The following LDLRAP1 variants were observed in gnomAD, a reference collection of about 807,000 sequenced individuals.
The protein encoded by LDLRAP1 is low density lipoprotein receptor adapter protein 1.
Under a neutral mutation model 37.8 loss-of-function variants are expected in LDLRAP1, and 30 were observed. That is an observed-to-expected ratio of 0.79 (90% CI 0.59 to 1.08). The LOEUF (loss-of-function observed/expected upper bound fraction) is 1.08. Ranked by LOEUF, LDLRAP1 falls within the 50% of genes least tolerant of loss-of-function variation. The pLI is 0.00. For missense variants in LDLRAP1, 375 were observed against 401.6 expected, an observed-to-expected ratio of 0.93 and a Z score of 0.57; for synonymous variants, 156 against 169.8, an observed-to-expected ratio of 0.92 and a Z score of 0.63.
chr1:25,563,494 T>C (rs1049939471), intron 6 of LDLRAP1, 167 bp from the exon 7 acceptor site: 9 of 862,138 alleles, frequency 1.0e-5, no homozygotes, highest in Non-Finnish European at 1.1e-5. Flanking sequence ...GTTCTCACTC[T>C]GTGGGCAGCT....
the LDLRAP1 span, among the ~76,000 whole-genome samples, chr1:25,587,819 C>G: frequency 1.3e-5 from 2 of 152,084 alleles, no homozygotes; most frequent in African/African-American, 4.8e-5. Flanking sequence ...CACCGCATAT[C>G]AGTAACCTTA....
intron 7 of LDLRAP1, chr1:25,564,180 A>C: frequency 9.1e-6 from 3 of 328,632 alleles, no homozygotes; most frequent in South Asian, 2.6e-5. Context: ...TTGGTCCCTG[A>C]CTCCCTCAGG....
At chr1:25,576,480 C>T in the LDLRAP1 span, among the ~76,000 whole-genome samples, 6 of 152,136 alleles carry the variant, frequency 3.9e-5, no homozygotes, top group African/African-American at 7.2e-5. Flanking sequence ...GAGCCGAGAC[C>T]GTGCCACTGC....
chr1:25,543,826 G>T, intron 1 of LDLRAP1, 40 bp downstream of exon 1: 1 of 1,179,252 alleles, frequency 8.5e-7, no homozygotes, highest in Non-Finnish European at 1.1e-6. Flanking sequence ...CCGGGATCGG[G>T]CAGAGGCGCG....
chr1:25,585,542 G>A, the LDLRAP1 span, among the ~76,000 whole-genome samples: 6 of 152,180 alleles, frequency 3.9e-5, no homozygotes. Context: ...AGCCAGGATG[G>A]TCTCAATCTC....
intron 1 of LDLRAP1, among the ~76,000 whole-genome samples, chr1:25,550,790 G>A (rs566800359): frequency 3.9e-5 from 6 of 152,264 alleles, no homozygotes; most frequent in African/African-American, 1.4e-4. Context: ...GTAAGGACGT[G>A]GTTAGAGGAG....
downstream of LDLRAP1, among the ~76,000 whole-genome samples, chr1:25,572,935 A>G (rs952771993): frequency 4.6e-5 from 7 of 152,216 alleles, no homozygotes; most frequent in African/African-American, 1.7e-4. Context: ...ATGGAGCTGC[A>G]GTTCCGAGTG....
At chr1:25,557,364 G>A in intron 4 of LDLRAP1, 97 bp downstream of exon 4, 2 of 930,262 alleles carry the variant, frequency 2.1e-6, no homozygotes, top group Non-Finnish European at 3.5e-6. Context: ...GGACCCAAAG[G>A]TGACCATTAC....
Position 25,544,126 on chromosome 1 carries a change from A to AG in LDLRAP1, c.88+345dup, listed in dbSNP as rs935263434. On this transcript the variant is annotated intron_variant, in intron 1 of 8. Transcript: ENST00000374338. The surrounding 1 kb of genome is among the most constrained non-coding windows in gnomAD (Gnocchi z 4.8). Reference sequence around the variant, plus strand: ...TCCCGCCCTGCTGTCCTGGCCAGCTAGGGGGAGGCAGGCGCTCGTCGTCGG... The same window carrying AG: ...TCCCGCCCTGCTGTCCTGGCCAGCTAGGGGGGAGGCAGGCGCTCGTCGTCGG... Among the ~76,000 whole-genome samples, 8 of 151,968 alleles carry AG rather than the reference A, an allele frequency of 5.3e-5. No individual in the cohort carries two copies. Among genetic ancestry groups the AG allele is most frequent in the Non-Finnish European group, 7.4e-5 (5 of 67,928 alleles).
Position 25,549,725 on chromosome 1 carries a change from C to T in LDLRAP1, c.89-4197C>T, listed in dbSNP as rs1295629374. Among the ~76,000 whole-genome samples, 3 of 151,294 alleles carry T rather than the reference C, an allele frequency of 2.0e-5. No homozygotes were observed. In the East Asian group the frequency reaches 5.8e-4, roughly 29 times the overall value. On this transcript the variant is annotated intron_variant, in intron 1 of 8. Transcript: ENST00000374338. Reference sequence around the variant, plus strand: ...CGTGGGCTCCTCCCGGCAATAAGGCCTCCGGCTGTGGCTGGCGAGTAGGGC... The same window carrying T: ...CGTGGGCTCCTCCCGGCAATAAGGCTTCCGGCTGTGGCTGGCGAGTAGGGC...
At chr1:25,547,278 T>G (rs2043957515) in intron 1 of LDLRAP1, among the ~76,000 whole-genome samples, 1 of 151,644 alleles carries the variant, frequency 6.6e-6, no homozygotes, top group African/African-American at 2.4e-5. Flanking sequence ...AGGTCAAGAG[T>G]TCGAGACCAG....
chr1:25,582,451 GGC>G, the LDLRAP1 span, among the ~76,000 whole-genome samples: 2 of 151,822 alleles, frequency 1.3e-5, no homozygotes, highest in Non-Finnish European at 2.9e-5. Flanking sequence ...TGGGCATGGT[GGC>G]ATGCACCTGT....
chr1:25,547,239 T>C (rs1196406409), intron 1 of LDLRAP1, among the ~76,000 whole-genome samples: 3 of 151,884 alleles, frequency 2.0e-5, no homozygotes, highest in Non-Finnish European at 2.9e-5. Context: ...TCCCAGCACT[T>C]TGGGAGACCA....
At chr1:25,562,993 A>G in intron 5 of LDLRAP1, 77 bp from the exon 6 acceptor site, 1 of 1,429,758 alleles carries the variant, frequency 7.0e-7, no homozygotes, top group Admixed American at 1.7e-5. Context: ...GCCACCGCTA[A>G]TCACCCCTGC....
At chr1:25,545,555 C>T (rs568322678) in intron 1 of LDLRAP1, among the ~76,000 whole-genome samples, 25 of 152,266 alleles carry the variant, frequency 1.6e-4, no homozygotes, top group African/African-American at 5.8e-4. Flanking sequence ...ACGCTGCCAG[C>T]ATGATTAGTA....
chr1:25,582,695 T>C, the LDLRAP1 span, among the ~76,000 whole-genome samples: 3 of 152,182 alleles, frequency 2.0e-5, no homozygotes, highest in Admixed American at 2.0e-4. Flanking sequence ...CAGAACTTTT[T>C]CATCACCTTA....
Position 25,555,097 on chromosome 1 carries a change from G to A in LDLRAP1, c.344+125G>A, listed in dbSNP as rs1342384254. 1.3e-6 allele frequency: 1 copy of A among 756,344 alleles called. No homozygotes were observed. The highest frequency in any genetic ancestry group is 2.4e-6 in the Non-Finnish European group (1 of 423,734). 46.9% of individuals were successfully genotyped at this position (756,344 alleles called of 1,614,324 possible). On this transcript the variant is annotated intron_variant, in intron 3 of 8. Transcript: ENST00000374338. This position sits in a 1 kb window ranked among gnomAD's most constrained non-coding sequence, Gnocchi z 4.7. ...CATTGGAGCCTCAGTTTCCTCATCT[G>A]TAAAATGGGGGTGGGAACAGATCCT...
In LDLRAP1 at chr1:25,567,032, G is replaced by A; in HGVS notation, c.*40G>A. ...CCGGACACAAGCGGCCCTGACACGT[G>A]ATGGACCAAAGCCACCTGCTGCGGG... On this transcript the variant is annotated 3_prime_UTR_variant, in exon 9 of 9. Coordinates refer to ENST00000374338, the MANE Select transcript of LDLRAP1 (RefSeq NM_015627.3). 6.2e-7 allele frequency: 1 copy of A among 1,612,458 alleles called. No homozygotes were observed. Among genetic ancestry groups the A allele is most frequent in the Non-Finnish European group, 8.5e-7 (1 of 1,179,752 alleles).
rs571611731 is a variant in LDLRAP1 at position 25,566,226 on chromosome 1, CTATACA to C, written c.783-614_783-609del. 2.8e-3 allele frequency among the ~76,000 whole-genome samples: 431 copies of C among 152,302 alleles called. 1 individual carries two copies. Among genetic ancestry groups the C allele is most frequent in the Non-Finnish European group, 5.4e-3 (365 of 68,026 alleles). On this transcript the variant is annotated intron_variant, in intron 8 of 8. Coordinates refer to ENST00000374338, the MANE Select transcript of LDLRAP1 (RefSeq NM_015627.3). ...GTTTTGGGCTTAATTCATGCTAATC[CTATACA>C]TATACATTATTTTGCATTGATCAGC...
Sources: gnomAD v4.1 joint callset for allele counts (sites outside exome capture counted in the v4.1 genomes callset) on GRCh38, gnomAD v4.1.1 for gene constraint, Gnocchi (gnomAD v3.1) non-coding constraint, MANE v1.5 for transcripts, NCBI Gene and HGNC (gene_info 2026-07-23, HGNC 2026-07-21) for gene names.